Variants in PPP2R1B observed in about 807,000 individuals in gnomAD.
PPP2R1B encodes the protein protein phosphatase 2 scaffold subunit Abeta.
PPP2R1B carries 58 observed loss-of-function variants against 72.7 expected under a neutral mutation model. The observed-to-expected ratio is 0.80, with a 90% confidence interval of 0.65 to 0.99. The LOEUF is 0.99. PPP2R1B is among the 50% of genes least tolerant of loss of function. The probability of loss-of-function intolerance (pLI) is 0.00; values close to 1 mark genes in which losing one functional copy is unlikely to be tolerated. For synonymous variants in PPP2R1B, 256 were observed against 264.6 expected (o/e 0.97, Z 0.32); for missense variants, 695 against 733.6 (o/e 0.95, Z 0.61).
rs199554698 is a variant in PPP2R1B at position 111,766,271 on chromosome 11, C to T, written c.91G>A (p.Glu31Lys). The change falls in exon 1 of 15, where the codon GAG (glutamate) becomes AAG (lysine). Residue 31 changes from glutamate (E) to lysine (K), a missense_variant. Transcript: ENST00000527614. ...SLYPIAVLIDELRNEDVQLRL... is the reference protein window; with the variant it reads ...SLYPIAVLIDKLRNEDVQLRL... ...ACCTGCACGTCTTCATTGCGGAGCT[C>T]GTCGATTAAAACCGCGATCGGGTAT... The T allele has an allele frequency of 7.4e-5, 120 of 1,613,912 alleles. No homozygotes were observed. The highest frequency in any genetic ancestry group is 9.9e-5 in the Non-Finnish European group (117 of 1,179,948).
chr11:111,728,142 C>G (rs1944037040), intron 15 of PPP2R1B: 1 of 152,130 alleles, frequency 6.6e-6, no homozygotes, highest in Non-Finnish European at 1.5e-5. Flanking sequence ...TGGGCTGCCT[C>G]TAACTGCCTC....
At chr11:111,724,419 TAAG>T (rs1260866325), downstream of PPP2R1B, 3 of 424,852 alleles carry the variant, frequency 7.1e-6, no homozygotes, top group Admixed American at 1.2e-4. Flanking sequence ...AATGTGTTCC[TAAG>T]AAGACATTCA....
the PPP2R1B span, among the ~76,000 whole-genome samples, chr11:111,713,772 G>C: frequency 7.4e-3 from 1,123 of 152,286 alleles, 8 homozygotes; most frequent in Middle Eastern, 0.054. Context: ...TTCAAGACCA[G>C]CGTGGCCAAC....
At chr11:111,751,682 T>C (rs752200499) in intron 10 of PPP2R1B, among the ~76,000 whole-genome samples, 1 of 152,188 alleles carries the variant, frequency 6.6e-6, no homozygotes, top group Non-Finnish European at 1.5e-5. Context: ...TTGTTAGAAA[T>C]GTATGCACTA....
chr11:111,695,919 A>T, the PPP2R1B span, among the ~76,000 whole-genome samples: 1 of 152,214 alleles, frequency 6.6e-6, no homozygotes, highest in East Asian at 1.9e-4. Context: ...GATGACAGTG[A>T]TAATGGTTTT....
rs77054727 is a variant in PPP2R1B at position 111,740,486 on chromosome 11, G to A, written c.*1110C>T. 5.4e-3 allele frequency: 5,330 copies of A among 985,028 alleles called. 209 individuals are homozygous for A. In the African/African-American group the frequency reaches 0.082, roughly 15 times the overall value. 61.0% of individuals were successfully genotyped at this position (985,028 alleles called of 1,614,324 possible). A position where few individuals can be genotyped will look rare whatever the true frequency, so the allele number is the denominator to read the frequency against. ...CCCAAATAGGTGCTTTTTAAAAAGG[G>A]CTTTAATACTGTTTAAGTAGTTCAA... On this transcript the variant is annotated 3_prime_UTR_variant, in exon 15 of 15. Coordinates refer to ENST00000527614, the MANE Select transcript of PPP2R1B (RefSeq NM_002716.5).
In PPP2R1B at chr11:111,741,325, G is replaced by C. The variant is rs960334117; in HGVS notation, c.*271C>G. 1.0e-5 allele frequency: 13 copies of C among 1,253,094 alleles called. No individual in the cohort carries two copies. The highest frequency in any genetic ancestry group is 1.5e-5 in the African/African-American group (1 of 64,750). 77.6% of individuals were successfully genotyped at this position (1,253,094 alleles called of 1,614,324 possible). A position where few individuals can be genotyped will look rare whatever the true frequency, so the allele number is the denominator to read the frequency against. ...ACAGTGAGGATGCAGGAGCCCAGGTGGTGATGGATAAAGCATTAGGAGACA... is the reference window on the plus strand; with the variant it reads ...ACAGTGAGGATGCAGGAGCCCAGGTCGTGATGGATAAAGCATTAGGAGACA... On this transcript the variant is annotated 3_prime_UTR_variant, in exon 15 of 15. Transcript: ENST00000527614.
chr11:111,744,987 C>A (rs1347281503), intron 11 of PPP2R1B, among the ~76,000 whole-genome samples: 1 of 151,886 alleles, frequency 6.6e-6, no homozygotes, highest in Non-Finnish European at 1.5e-5. Context: ...TTGGCCCAAA[C>A]CCTTCCCTGT....
chr11:111,725,487 T>G (rs1296376243), downstream of PPP2R1B: 1 of 152,558 alleles, frequency 6.6e-6, no homozygotes, highest in African/African-American at 2.4e-5. Context: ...GCTAACTGTA[T>G]CCCTAGAAAT....
chr11:111,730,539 T>G (rs900418318), intron 15 of PPP2R1B: 1 of 152,232 alleles, frequency 6.6e-6, no homozygotes, highest in Non-Finnish European at 1.5e-5. Flanking sequence ...ATGTTTGGTC[T>G]GAAAGAGTTA....
chr11:111,766,218 C>T, intron 1 of PPP2R1B, 30 bp downstream of exon 1: 4 of 1,610,662 alleles, frequency 2.5e-6, no homozygotes, highest in Non-Finnish European at 3.4e-6. Flanking sequence ...CAGCCGGTCT[C>T]GCCTCGGGTC....
intron 2 of PPP2R1B, 24 bp from the exon 3 acceptor site, chr11:111,764,929 C>A: frequency 6.2e-7 from 1 of 1,611,812 alleles, no homozygotes; most frequent in South Asian, 1.1e-5. Flanking sequence ...CAACAGGACT[C>A]ATCAACATGG....
In PPP2R1B at chr11:111,743,367, T is replaced by G; in HGVS notation, c.1554+9A>C. On this transcript the variant is annotated intron_variant, in intron 12 of 14. Coordinates refer to ENST00000527614, the MANE Select transcript of PPP2R1B (RefSeq NM_002716.5). The stretch of plus-strand genomic sequence containing the variant: ...TTAAGCTTAGCAATAACAGTTATGT[T>G]ATACTTACATTAATGCAGAATAAAG... 2 of 1,597,462 alleles carry G rather than the reference T, an allele frequency of 1.3e-6. No individual in the cohort carries two copies. The highest frequency in any genetic ancestry group is 1.7e-6 in the Non-Finnish European group (2 of 1,168,742).
chr11:111,716,152 C>T, the PPP2R1B span, among the ~76,000 whole-genome samples: 2 of 152,112 alleles, frequency 1.3e-5, no homozygotes, highest in Admixed American at 1.3e-4. Context: ...TCCGAATTAC[C>T]CCCTTCATAG....
intron 3 of PPP2R1B, among the ~76,000 whole-genome samples, chr11:111,763,473 C>T (rs1295493254): frequency 6.6e-6 from 1 of 152,084 alleles, no homozygotes. Flanking sequence ...CTGTAAGAGT[C>T]GGGTGAGAGG....
the PPP2R1B span, among the ~76,000 whole-genome samples, chr11:111,707,016 T>C: frequency 6.7e-6 from 1 of 150,276 alleles, no homozygotes; most frequent in Non-Finnish European, 1.5e-5. Flanking sequence ...AATGTGTCCA[T>C]ATAGTTCCAG....
chr11:111,740,226 GT>G lies in PPP2R1B; in HGVS notation c.*1369del, dbSNP rs983793666. ...GAGTTTGATTATGTGAAAAATAGTT[GT>G]TTTTTTTTGAGATGGACTCTCGCTC... On this transcript the variant is annotated 3_prime_UTR_variant, in exon 15 of 15. Coordinates refer to ENST00000527614, the MANE Select transcript of PPP2R1B (RefSeq NM_002716.5). 8 of 975,712 alleles carry G rather than the reference GT, an allele frequency of 8.2e-6. No individual in the cohort carries two copies. Among genetic ancestry groups the G allele is most frequent in the African/African-American group, 1.8e-5 (1 of 56,732 alleles). 60.4% of individuals were successfully genotyped at this position (975,712 alleles called of 1,614,324 possible).
rs782111432 is a variant in PPP2R1B, at chr11:111,764,823, G to C, written c.288C>G (p.Asp96Glu). The change falls in exon 3 of 15, where the codon GAC becomes GAG. Residue 96 changes from aspartate (D) to glutamate (E), a missense_variant. Coordinates refer to ENST00000527614, the MANE Select transcript of PPP2R1B (RefSeq NM_002716.5). ...GNFTGLVGGP[D>E]FAHCLLPPLE... ...TACTCACCAGCAGACAGTGGGCAAA[G>C]TCAGGACCTCCCACTAGGCCAGTGA... is the stretch of plus-strand genomic sequence containing the variant. 2.5e-6 allele frequency: 4 copies of C among 1,614,086 alleles called. No homozygotes were observed. Among genetic ancestry groups the C allele is most frequent in the Non-Finnish European group, 3.4e-6 (4 of 1,180,010 alleles).
chr11:111,742,388 A>G (rs926570446), intron 13 of PPP2R1B, 135 bp downstream of exon 13: 7 of 1,045,062 alleles, frequency 6.7e-6, no homozygotes, highest in Non-Finnish European at 6.7e-6. Context: ...AATAGTTGCT[A>G]AATTATTTTC....
Sources: gnomAD v4.1 joint callset for allele counts (sites outside exome capture counted in the v4.1 genomes callset) on GRCh38, gnomAD v4.1.1 for gene constraint, MANE v1.5 for transcripts, NCBI Gene and HGNC (gene_info 2026-07-23, HGNC 2026-07-21) for gene names.